Variants in PUM3 observed in about 807,000 individuals in gnomAD.
PUM3 encodes the protein pumilio homolog 3.
Under a neutral mutation model 84.0 loss-of-function variants are expected in PUM3, and 91 were observed. That is an observed-to-expected ratio of 1.08 (90% CI 0.91 to 1.29). The LOEUF is 1.29. PUM3 is among the 50% of genes most tolerant of loss of function. PUM3 has a pLI of 0.00. For synonymous variants in PUM3, 321 were observed against 266.7 expected, an observed-to-expected ratio of 1.20 and a Z score of -1.98; for missense variants, 1,067 against 767.5, an observed-to-expected ratio of 1.39 and a Z score of -4.61.
At position 2,812,258 on chromosome 9, in the gene PUM3, G is replaced by A. The variant is rs1362504880; in HGVS notation, c.1374C>T (p.Ile458=). Residue 458 remains isoleucine (I), a synonymous_variant, in exon 14 of 18, where the codon ATC becomes ATT. Transcript: ENST00000397885. ...CATCTCCTTTTTGCAGAACTTCAATGATTTCTCGTACTGTATGTGCAGGAT... is the reference window on the plus strand; with the variant it reads ...CATCTCCTTTTTGCAGAACTTCAATAATTTCTCGTACTGTATGTGCAGGAT... ...PRDPAHTVRE[I]IEVLQKGDGN... The A allele has an allele frequency of 6.2e-7, 1 of 1,613,496 alleles. No homozygotes were observed.
chr9:2,817,274 T>G (rs539961500), intron 13 of PUM3, among the ~76,000 whole-genome samples: 22 of 152,342 alleles, frequency 1.4e-4, no homozygotes, highest in Non-Finnish European at 2.6e-4. Context: ...GAAAAATAAA[T>G]GATTTAGAAT....
intron 16 of PUM3, 56 bp from the exon 17 acceptor site, chr9:2,807,960 C>T (rs1821295046): frequency 9.0e-6 from 10 of 1,111,724 alleles, no homozygotes; most frequent in Non-Finnish European, 1.4e-5. Context: ...ATACTCCCTA[C>T]CCCCTTCTCT....
At chr9:2,808,862 T>C (rs1428204097) in intron 16 of PUM3, among the ~76,000 whole-genome samples, 1 of 152,204 alleles carries the variant, frequency 6.6e-6, no homozygotes, top group African/African-American at 2.4e-5. Flanking sequence ...ACCAAGACAG[T>C]ATGATGAAAG....
At chr9:2,814,151 C>T (rs961495009) in intron 13 of PUM3, among the ~76,000 whole-genome samples, 2 of 152,188 alleles carry the variant, frequency 1.3e-5, no homozygotes, top group African/African-American at 2.4e-5. Flanking sequence ...AAAAAGCATA[C>T]AGAACTTGTT....
intron 13 of PUM3, among the ~76,000 whole-genome samples, chr9:2,813,276 C>T (rs891349246): frequency 6.6e-6 from 1 of 152,206 alleles, no homozygotes; most frequent in Non-Finnish European, 1.5e-5. Flanking sequence ...AGAAAAGTCA[C>T]TTGAAAATTT....
rs1289422725 is a variant in PUM3 at position 2,827,165 on chromosome 9, A to G, written c.957-14T>C. 1 of 1,595,844 alleles carries G rather than the reference A, an allele frequency of 6.3e-7. No homozygotes were observed. Among genetic ancestry groups the G allele is most frequent in the Non-Finnish European group, 8.5e-7 (1 of 1,170,240 alleles). On this transcript the variant is annotated splice_polypyrimidine_tract_variant and intron_variant, in intron 9 of 17. Coordinates refer to ENST00000397885, the MANE Select transcript of PUM3 (RefSeq NM_014878.5). ...ATCACAGCTTCCCTGAAAACAGAAA[A>G]AAAAAGCAAAAAGACACAACAGATC... is the stretch of plus-strand genomic sequence containing the variant.
At chr9:2,808,292 C>T (rs997991918) in intron 16 of PUM3, among the ~76,000 whole-genome samples, 3 of 152,192 alleles carry the variant, frequency 2.0e-5, no homozygotes, top group African/African-American at 7.2e-5. Context: ...TCAAGTTCTT[C>T]CTCATGGAGA....
intron 5 of PUM3, 58 bp downstream of exon 5, chr9:2,833,299 C>A (rs1448322999): frequency 9.0e-6 from 8 of 890,772 alleles, no homozygotes; most frequent in Non-Finnish European, 1.3e-5. Context: ...TCAGCTACTC[C>A]TGAGAGTGAG....
intron 3 of PUM3, 100 bp from the exon 4 acceptor site, chr9:2,834,266 G>A (rs1015023253): frequency 4.0e-6 from 4 of 1,002,104 alleles, no homozygotes; most frequent in Non-Finnish European, 5.8e-6. Context: ...CAGGATCAAT[G>A]CTCATTCTGG....
chr9:2,843,573 C>CTTTTTT (rs34837134), intron 1 of PUM3, among the ~76,000 whole-genome samples: 5 of 96,398 alleles, frequency 5.2e-5, no homozygotes, highest in African/African-American at 1.6e-4. Context: ...TCCCGCCCTT[C>CTTTTTT]TTTTTTTTTT....
chr9:2,836,881 C>T (rs1053969211), intron 3 of PUM3, among the ~76,000 whole-genome samples: 18 of 151,934 alleles, frequency 1.2e-4, no homozygotes, highest in African/African-American at 3.4e-4. Context: ...GTTCGATGAA[C>T]GAATAAATTT....
At chr9:2,824,412 G>A (rs1301625537) in intron 11 of PUM3, among the ~76,000 whole-genome samples, 1 of 152,134 alleles carries the variant, frequency 6.6e-6, no homozygotes, top group East Asian at 1.9e-4. Context: ...ATCATTAAAA[G>A]AGGAGGTACC....
At chr9:2,825,243 C>T (rs763937121) in intron 10 of PUM3, among the ~76,000 whole-genome samples, 2 of 152,128 alleles carry the variant, frequency 1.3e-5, no homozygotes, top group Non-Finnish European at 2.9e-5. Flanking sequence ...AATCAAAACA[C>T]TCATTTTGAC....
At position 2,823,316 on chromosome 9, in the gene PUM3, A is replaced by G. The variant is rs74415824; in HGVS notation, c.1188+465T>C. 2.6e-4 allele frequency among the ~76,000 whole-genome samples: 39 copies of G among 152,154 alleles called. No homozygotes were observed. In the East Asian group the frequency reaches 7.3e-3, roughly 29 times the overall value. Reference sequence around the variant, plus strand: ...TTAACAACTAAAAATTTCCATAACCACACTGCAAATTTATTCTTAAAAAAA... The same window carrying G: ...TTAACAACTAAAAATTTCCATAACCGCACTGCAAATTTATTCTTAAAAAAA... On this transcript the variant is annotated intron_variant, in intron 12 of 17. Coordinates refer to ENST00000397885, the MANE Select transcript of PUM3 (RefSeq NM_014878.5).
chr9:2,818,602 T>C (rs1448480046), intron 13 of PUM3, among the ~76,000 whole-genome samples: 1 of 152,172 alleles, frequency 6.6e-6, no homozygotes, highest in African/African-American at 2.4e-5. Flanking sequence ...TGGCCTCACA[T>C]CTCTGTCACA....
At chr9:2,815,196 TA>T (rs1821446779) in intron 13 of PUM3, among the ~76,000 whole-genome samples, 3 of 152,136 alleles carry the variant, frequency 2.0e-5, no homozygotes, top group Admixed American at 2.0e-4. Flanking sequence ...TACAAAAAAC[TA>T]AAAAACATTT....
chr9:2,830,677 A>C (rs1384966707), intron 7 of PUM3, among the ~76,000 whole-genome samples: 1 of 152,202 alleles, frequency 6.6e-6, no homozygotes, highest in East Asian at 1.9e-4. Context: ...AATGCCAACA[A>C]ATCAGAAGGT....
chr9:2,831,902 C>CCA (rs1347878655), intron 5 of PUM3, among the ~76,000 whole-genome samples: 5 of 152,250 alleles, frequency 3.3e-5, no homozygotes, highest in African/African-American at 1.2e-4. Flanking sequence ...GCACATATAT[C>CCA]CAGTTATATT....
intron 9 of PUM3, 118 bp from the exon 10 acceptor site, chr9:2,827,269 C>A (rs970009011): frequency 1.6e-6 from 1 of 645,138 alleles, no homozygotes; most frequent in Non-Finnish European, 2.6e-6. Flanking sequence ...TTACTGAATA[C>A]AATTTGTCAT....
Sources: gnomAD v4.1 joint callset for allele counts (sites outside exome capture counted in the v4.1 genomes callset) on GRCh38, gnomAD v4.1.1 for gene constraint, MANE v1.5 for transcripts, NCBI Gene and HGNC (gene_info 2026-07-23, HGNC 2026-07-21) for gene names.